BAZ2B: variants seen among roughly 807,000 people sequenced by gnomAD.
The protein encoded by BAZ2B is bromodomain adjacent to zinc finger domain 2B, also known as bromodomain adjacent to zinc finger domain protein 2B.
Under a neutral mutation model 246.0 loss-of-function variants are expected in BAZ2B, and 91 were observed. The ratio of observed to expected loss-of-function variants is 0.37; its 90% CI spans 0.31 to 0.44. The LOEUF (loss-of-function observed/expected upper bound fraction) is 0.44, where lower values mean the gene tolerates loss of function less well. Among genes scored for constraint, BAZ2B ranks in the 20% least tolerant of loss-of-function variants. The pLI, the probability that BAZ2B is intolerant of heterozygous loss-of-function variation, is 1.00. For missense variants in BAZ2B, 2,332 were observed against 2,533.7 expected, an observed-to-expected ratio of 0.92 and a Z score of 1.71; for synonymous variants, 855 against 860.0, an observed-to-expected ratio of 0.99 and a Z score of 0.10.
chr2:159,374,537 T>G (rs187068236), intron 26 of BAZ2B, among the ~76,000 whole-genome samples, 154 bp downstream of exon 26: 6 of 152,182 alleles, frequency 3.9e-5, no homozygotes, highest in Middle Eastern at 3.4e-3. Context: ...CTCATCTTAT[T>G]TTTTTTTCTG....
intron 27 of BAZ2B, among the ~76,000 whole-genome samples, chr2:159,368,009 C>T (rs553423821): frequency 2.0e-5 from 3 of 152,310 alleles, no homozygotes; most frequent in Non-Finnish European, 4.4e-5. Context: ...TCTTTATCAG[C>T]CTTGCCTGTC....
chr2:159,493,979 C>A (rs780682143), intron 2 of BAZ2B, among the ~76,000 whole-genome samples: 5 of 152,146 alleles, frequency 3.3e-5, no homozygotes, highest in Non-Finnish European at 7.4e-5. Context: ...CAGGGAGGGT[C>A]TTCAAGAGCT....
chr2:159,624,899 T>C, the BAZ2B span, among the ~76,000 whole-genome samples: 1 of 152,022 alleles, frequency 6.6e-6, no homozygotes, highest in African/African-American at 2.4e-5. Flanking sequence ...TAAAGGAGCA[T>C]GTTCTAACCC....
chr2:159,526,937 AGT>A (rs1178254660), intron 2 of BAZ2B, among the ~76,000 whole-genome samples: 1 of 151,374 alleles, frequency 6.6e-6, no homozygotes, highest in Non-Finnish European at 1.5e-5. Flanking sequence ...TTATATAGTA[AGT>A]GTGTGTTTCT....
intron 1 of BAZ2B, among the ~76,000 whole-genome samples, chr2:159,583,910 T>C (rs1039545854): frequency 6.6e-6 from 1 of 152,034 alleles, no homozygotes; most frequent in African/African-American, 2.4e-5. Flanking sequence ...TACAAATAGC[T>C]TGAGGGAAGA....
intron 36 of BAZ2B, 123 bp downstream of exon 36, chr2:159,324,661 CACACACACACACACACACACACACACA>C: frequency 2.9e-6 from 1 of 341,828 alleles, no homozygotes; most frequent in Admixed American, 5.2e-5. Flanking sequence ...CACACACACA[CACACACACACACACACACACACACACA>C]CCTGCCTCAA....
intron 27 of BAZ2B, among the ~76,000 whole-genome samples, chr2:159,352,061 C>A (rs374593530): frequency 6.6e-6 from 1 of 152,168 alleles, no homozygotes. Flanking sequence ...AAACCAAACT[C>A]CTAACCAAGG....
intron 21 of BAZ2B, among the ~76,000 whole-genome samples, chr2:159,387,513 T>C (rs1325771436): frequency 6.6e-6 from 1 of 152,174 alleles, no homozygotes; most frequent in Non-Finnish European, 1.5e-5. Flanking sequence ...TCTGCATTTA[T>C]TGAGGTAACC....
chr2:159,679,189 G>A, the BAZ2B span, among the ~76,000 whole-genome samples: 111 of 147,024 alleles, frequency 7.5e-4, no homozygotes, highest in African/African-American at 2.6e-3. Context: ...GGAGAATGGC[G>A]TGAAGCTGGG....
intron 1 of BAZ2B, among the ~76,000 whole-genome samples, chr2:159,606,592 T>C (rs6714974): frequency 0.92 from 140,550 of 152,204 alleles, 65,390 homozygotes; most frequent in East Asian, 1. Context: ...ACTAGATAAC[T>C]TTTTATTTCC....
intron 1 of BAZ2B, among the ~76,000 whole-genome samples, chr2:159,584,386 C>T (rs551094807): frequency 1.7e-3 from 259 of 152,240 alleles, no homozygotes; most frequent in Non-Finnish European, 3.1e-3. Flanking sequence ...TTCCAAAGTG[C>T]TGGGATTACA....
chr2:159,686,896 G>A, the BAZ2B span, among the ~76,000 whole-genome samples: 80 of 152,118 alleles, frequency 5.3e-4, no homozygotes, highest in African/African-American at 1.8e-3. Flanking sequence ...CAAAAAATTA[G>A]CTGGGCATGG....
chr2:159,430,388 G>C (rs923654741), intron 10 of BAZ2B, among the ~76,000 whole-genome samples: 7 of 152,090 alleles, frequency 4.6e-5, no homozygotes, highest in Admixed American at 2.6e-4. Context: ...TAAGAATACA[G>C]TATATAACAC....
intron 1 of BAZ2B, among the ~76,000 whole-genome samples, chr2:159,608,817 G>A (rs191136243): frequency 4.6e-5 from 7 of 152,078 alleles, no homozygotes; most frequent in Admixed American, 1.3e-4. Flanking sequence ...ATTAAATTTG[G>A]CCATATATTC....
At chr2:159,434,642 C>G (rs1343664995) in intron 8 of BAZ2B, 4 of 152,128 alleles carry the variant, frequency 2.6e-5, no homozygotes, top group African/African-American at 9.6e-5. Flanking sequence ...TGCTCAGAAC[C>G]CTGTGCTTGA....
intron 27 of BAZ2B, among the ~76,000 whole-genome samples, chr2:159,371,915 T>C (rs1025228833): frequency 4.6e-5 from 7 of 152,174 alleles, no homozygotes; most frequent in African/African-American, 1.7e-4. Context: ...ATTCCTGAAT[T>C]GGAAAGCAAG....
chr2:159,653,367 T>C, the BAZ2B span, among the ~76,000 whole-genome samples: 1 of 152,246 alleles, frequency 6.6e-6, no homozygotes, highest in African/African-American at 2.4e-5. Context: ...TTCTACAACA[T>C]TTATTCTATT....
At chr2:159,321,458 T>A (rs1166253927) in intron 36 of BAZ2B, among the ~76,000 whole-genome samples, 20 of 152,182 alleles carry the variant, frequency 1.3e-4, no homozygotes, top group Admixed American at 1.3e-3. Flanking sequence ...TGCACTCCTA[T>A]GTTTGGTGCA....
At chr2:159,428,771 G>C (rs1029679860) in intron 11 of BAZ2B, among the ~76,000 whole-genome samples, 16 of 152,088 alleles carry the variant, frequency 1.1e-4, no homozygotes, top group African/African-American at 3.9e-4. Flanking sequence ...CTGCTGCTTG[G>C]GGTTCACGTA....
Sources: allele counts gnomAD v4.1 joint callset (sites outside exome capture counted in the v4.1 genomes callset), GRCh38; gene constraint gnomAD v4.1.1; transcripts MANE v1.5; gene names NCBI Gene and HGNC (gene_info 2026-07-23, HGNC 2026-07-21).